Variants in XKR5 observed in about 807,000 individuals in gnomAD.
XKR5 encodes XK related 5, also known as XK-related protein 5.
Under a neutral mutation model 40.8 loss-of-function variants are expected in XKR5, and 46 were observed. The observed-to-expected ratio is 1.13, with a 90% confidence interval of 0.89 to 1.44. The LOEUF (loss-of-function observed/expected upper bound fraction) is 1.44, where lower values mean the gene tolerates loss of function less well. Among genes scored for constraint, XKR5 ranks in the 40% most tolerant of loss-of-function variants. The probability of loss-of-function intolerance (pLI) is 0.00; values close to 1 mark genes in which losing one functional copy is unlikely to be tolerated. For missense variants in XKR5, 1,169 were observed against 844.7 expected (o/e 1.38, Z -4.76); for synonymous variants, 466 against 356.1 (o/e 1.31, Z -3.48).
chr8:6,815,652 T>G (rs1803919817), intron 6 of XKR5, among the ~76,000 whole-genome samples, 155 bp downstream of exon 6: 1 of 152,006 alleles, frequency 6.6e-6, no homozygotes, highest in Non-Finnish European at 1.5e-5. Context: ...CATGCTCTGA[T>G]GGGCATGGCT....
In XKR5 at chr8:6,815,438, T is replaced by C. The variant is rs528145269; in HGVS notation, c.919+369A>G. 6.6e-5 allele frequency among the ~76,000 whole-genome samples: 10 copies of C among 152,014 alleles called. 1 individual carries two copies. The South Asian group carries it at 1.9e-3, about 28-fold the overall frequency. On this transcript the variant is annotated intron_variant, in intron 6 of 6. Transcript: ENST00000618742. ...CTGCTAGGGCACCCACTTCCCGGGG[T>C]GCTTGTCTATGGGCTGCAGGGGGTG...
intron 1 of XKR5, 63 bp downstream of exon 1, chr8:6,835,373 C>T (rs572563309): frequency 3.0e-6 from 4 of 1,354,370 alleles, no homozygotes; most frequent in Non-Finnish European, 3.8e-6. Flanking sequence ...CTGTGCGGCT[C>T]CCGGCGCCGG....
intron 2 of XKR5, among the ~76,000 whole-genome samples, chr8:6,829,576 C>T (rs1002097835): frequency 1.3e-5 from 2 of 152,226 alleles, no homozygotes; most frequent in South Asian, 2.1e-4. Context: ...AGTGCAGTGG[C>T]GTGATCTCAG....
intron 5 of XKR5, among the ~76,000 whole-genome samples, chr8:6,817,694 G>C (rs570747794): frequency 1.3e-5 from 2 of 152,232 alleles, no homozygotes; most frequent in African/African-American, 4.8e-5. Context: ...TTTCCGAGCA[G>C]TTCCTTTAGA....
chr8:6,823,776 G>T (rs770908263), intron 3 of XKR5, 46 bp from the exon 4 acceptor site: 1 of 1,458,736 alleles, frequency 6.9e-7, no homozygotes, highest in Non-Finnish European at 9.4e-7. Context: ...AGATTCCGAA[G>T]TAACAGTACC....
At chr8:6,821,350 G>A (rs76712005) in intron 5 of XKR5, among the ~76,000 whole-genome samples, 2,114 of 152,206 alleles carry the variant, frequency 0.014, 36 homozygotes, top group African/African-American at 0.044. Flanking sequence ...ATCTAGCTAC[G>A]TTCTGTCTGA....
chr8:6,830,995 C>G (rs954802746), intron 2 of XKR5, among the ~76,000 whole-genome samples: 5 of 152,218 alleles, frequency 3.3e-5, no homozygotes, highest in African/African-American at 1.2e-4. Context: ...GCAGATTTGT[C>G]TAACCGTTCA....
In XKR5 at chr8:6,809,013, G is replaced by T. The variant is rs1477958988; in HGVS notation, c.*2185C>A. On this transcript the variant is annotated 3_prime_UTR_variant, in exon 7 of 7. Coordinates refer to ENST00000618742, the MANE Select transcript of XKR5 (RefSeq NM_207411.5). ...CAACCCTTAATTAGCCTTCAGGGAG[G>T]CAGGGCTTCAAGTTTAGGAAGAGGT... The T allele has an allele frequency of 6.6e-6, 1 of 152,286 alleles. No homozygotes were observed. The highest frequency in any genetic ancestry group is 2.1e-4 in the South Asian group (1 of 4,820). 9.4% of individuals were successfully genotyped at this position (152,286 alleles called of 1,614,324 possible).
Position 6,821,849 on chromosome 8 carries a change from T to C in XKR5, c.807+20A>G, listed in dbSNP as rs1237272422. On this transcript the variant is annotated intron_variant, in intron 5 of 6. Coordinates refer to ENST00000618742, the MANE Select transcript of XKR5 (RefSeq NM_207411.5). ...GCTGTATACACTGTAAAAGTTAGGA[T>C]AAAGAAAAGTGCCACTTGCCATGTA... The C allele has an allele frequency of 1.2e-6, 2 of 1,609,302 alleles. No homozygotes were observed. The highest frequency in any genetic ancestry group is 4.5e-5 in the East Asian group (2 of 44,802).
intron 1 of XKR5, among the ~76,000 whole-genome samples, chr8:6,835,160 G>T (rs1804956870): frequency 6.6e-6 from 1 of 150,420 alleles, no homozygotes; most frequent in Non-Finnish European, 1.5e-5. Context: ...TGCATGGGCG[G>T]GAGGAAGTCA....
intron 1 of XKR5, among the ~76,000 whole-genome samples, chr8:6,833,224 T>C (rs1224839816): frequency 6.6e-6 from 1 of 152,226 alleles, no homozygotes; most frequent in Non-Finnish European, 1.5e-5. Context: ...ACCACCCTTA[T>C]ACCCCAAAGC....
Position 6,811,754 on chromosome 8 carries a change from T to C in XKR5, c.1505A>G (p.Asn502Ser). Residue 502 changes from asparagine (N) to serine (S), a missense_variant, in exon 7 of 7, where the codon AAC (asparagine) becomes AGC (serine). Physicochemically the swap from Asn to Ser is conservative, Grantham distance 46. Coordinates refer to ENST00000618742, the MANE Select transcript of XKR5 (RefSeq NM_207411.5). Reference protein sequence around the residue: ...SDQQDEAPTQNPAATQGEGTP... With the variant: ...SDQQDEAPTQSPAATQGEGTP... ...GCCCTCCCCCTGCGTGGCTGCTGGG[T>C]TCTGGGTAGGTGCTTCATCCTGCTG... 1 of 1,537,494 alleles carries C rather than the reference T, an allele frequency of 6.5e-7. No homozygotes were observed. Among genetic ancestry groups the C allele is most frequent in the Non-Finnish European group, 8.7e-7 (1 of 1,146,984 alleles).
chr8:6,827,613 A>C (rs1215157964), intron 2 of XKR5, among the ~76,000 whole-genome samples: 1 of 152,260 alleles, frequency 6.6e-6, no homozygotes, highest in African/African-American at 2.4e-5. Flanking sequence ...ACTTAATGTT[A>C]AGAAAAACAT....
intron 5 of XKR5, among the ~76,000 whole-genome samples, chr8:6,818,150 T>C (rs1246167185): frequency 6.6e-6 from 1 of 152,218 alleles, no homozygotes; most frequent in Non-Finnish European, 1.5e-5. Flanking sequence ...GCGCAGGGCT[T>C]TTTTTCCCTC....
At chr8:6,834,811 G>T (rs574826963) in intron 1 of XKR5, among the ~76,000 whole-genome samples, 1 of 152,292 alleles carries the variant, frequency 6.6e-6, no homozygotes, top group Non-Finnish European at 1.5e-5. Context: ...ATCTTGCTCC[G>T]CCGCGGCTGG....
Position 6,832,824 on chromosome 8 carries a change from G to C in XKR5, c.135C>G (p.Pro45=). ...AGCTCAGGGCCTGGACCAAGAACCC[G>C]GGCAGGAGGACAGCAAGGGCCAGCC... is the stretch of plus-strand genomic sequence containing the variant. ...WGWLALAVLL[P]GFLVQALSYL... Residue 45 remains proline (P), a synonymous_variant, in exon 2 of 7, where the codon CCC becomes CCG. Transcript: ENST00000618742. 1.9e-6 allele frequency: 3 copies of C among 1,612,274 alleles called. No homozygotes were observed. Among genetic ancestry groups the C allele is most frequent in the East Asian group, 2.2e-5 (1 of 44,776 alleles).
At chr8:6,823,133 T>C (rs761084852) in intron 4 of XKR5, among the ~76,000 whole-genome samples, 3 of 152,206 alleles carry the variant, frequency 2.0e-5, no homozygotes, top group African/African-American at 4.8e-5. Flanking sequence ...CACGCGTTCC[T>C]TCCTGCCCTG....
chr8:6,824,178 T>A (rs918135284), intron 3 of XKR5, among the ~76,000 whole-genome samples: 1 of 152,196 alleles, frequency 6.6e-6, no homozygotes, highest in African/African-American at 2.4e-5. Flanking sequence ...CATCAAATGG[T>A]GTCAGGCTCT....
intron 3 of XKR5, 78 bp downstream of exon 3, chr8:6,825,087 G>C (rs565969308): frequency 1.8e-5 from 28 of 1,550,062 alleles, no homozygotes; most frequent in East Asian, 4.5e-5. Flanking sequence ...TCGAAGGGAG[G>C]GTTTTGCTAA....
Sources: allele counts gnomAD v4.1 joint callset (sites outside exome capture counted in the v4.1 genomes callset), GRCh38; gene constraint gnomAD v4.1.1; transcripts MANE v1.5; gene names NCBI Gene and HGNC (gene_info 2026-07-23, HGNC 2026-07-21).